The following NACC2 variants were observed in gnomAD, a reference collection of about 807,000 sequenced individuals.
The protein encoded by NACC2 is NACC family member 2, also known as nucleus accumbens-associated protein 2.
NACC2 carries 8 observed loss-of-function variants against 25.1 expected under a neutral mutation model. The ratio of observed to expected loss-of-function variants is 0.32; its 90% CI spans 0.19 to 0.57. The LOEUF is 0.57. NACC2 is among the 20% of genes least tolerant of loss of function. The pLI is 0.89. For synonymous variants in NACC2, 435 were observed against 294.7 expected, an observed-to-expected ratio of 1.48 and a Z score of -4.88; for missense variants, 644 against 650.2, an observed-to-expected ratio of 0.99 and a Z score of 0.10.
chr9:136,018,857 G>A lies in NACC2; in HGVS notation c.887-2428C>T, dbSNP rs896547531. ...GATTACACACGCGGAGAAGCCGCAC[G>A]GTGCGTGGCATTTACATAAAGAGTT... is the stretch of plus-strand genomic sequence containing the variant. On this transcript the variant is annotated intron_variant, in intron 2 of 5. Transcript: ENST00000277554. The surrounding 1 kb of genome is among the most constrained non-coding windows in gnomAD (Gnocchi z 4.4). Among the ~76,000 whole-genome samples, 15 of 152,294 alleles carry A rather than the reference G, an allele frequency of 9.8e-5. No homozygotes were observed. The highest frequency in any genetic ancestry group is 1.8e-4 in the Non-Finnish European group (12 of 68,026).
At chr9:136,038,563 T>G (rs1389637770) in intron 2 of NACC2, among the ~76,000 whole-genome samples, 2 of 152,170 alleles carry the variant, frequency 1.3e-5, no homozygotes, top group African/African-American at 4.8e-5. Flanking sequence ...AATATAAATT[T>G]TTTTAAACTT....
chr9:136,013,652 C>T lies in NACC2; in HGVS notation c.1157+212G>A, dbSNP rs561295921. Reference sequence around the variant, plus strand: ...TTTTCTGTTGTGGGGGTTGCATCCACAAGCCCGTTTGAGAAAGGCCACGAA... The same window carrying T: ...TTTTCTGTTGTGGGGGTTGCATCCATAAGCCCGTTTGAGAAAGGCCACGAA... On this transcript the variant is annotated intron_variant, in intron 4 of 5. Coordinates refer to ENST00000277554, the MANE Select transcript of NACC2 (RefSeq NM_144653.5). This position sits in a 1 kb window ranked among gnomAD's most constrained non-coding sequence, Gnocchi z 6.6. Among the ~76,000 whole-genome samples, 1 of 152,304 alleles carries T rather than the reference C, an allele frequency of 6.6e-6. No homozygotes were observed. The highest frequency in any genetic ancestry group is 6.5e-5 in the Admixed American group (1 of 15,304).
intron 1 of NACC2, among the ~76,000 whole-genome samples, chr9:136,069,696 A>G (rs1015231255): frequency 6.6e-6 from 1 of 151,966 alleles, no homozygotes; most frequent in Non-Finnish European, 1.5e-5. Context: ...CAAATAAAGC[A>G]TATTTCAGAG....
chr9:136,069,795 A>G (rs1319844886), intron 1 of NACC2, among the ~76,000 whole-genome samples: 1 of 151,888 alleles, frequency 6.6e-6, no homozygotes, highest in Non-Finnish European at 1.5e-5. Flanking sequence ...ATGTCCATGT[A>G]CCAGACAACG....
Position 136,009,753 on chromosome 9 carries a change from G to A in NACC2, c.*1763C>T, listed in dbSNP as rs1037533600. ...GGGTGCAGCACATGGTCCTCCCCTA[G>A]CGGAGGCGGCCTCCGCTTGATGGGT... On this transcript the variant is annotated 3_prime_UTR_variant, in exon 6 of 6. Transcript: ENST00000277554. 2 of 152,408 alleles carry A rather than the reference G, an allele frequency of 1.3e-5. No homozygotes were observed. Among genetic ancestry groups the A allele is most frequent in the Non-Finnish European group, 2.9e-5 (2 of 68,194 alleles). 9.4% of individuals were successfully genotyped at this position (152,408 alleles called of 1,614,324 possible).
Position 136,011,580 on chromosome 9 carries a change from C to T in NACC2, c.1700G>A (p.Ser567Asn), listed in dbSNP as rs1840107014. 7.1e-7 allele frequency: 1 copy of T among 1,406,490 alleles called. No homozygotes were observed. The highest frequency in any genetic ancestry group is 9.2e-7 in the Non-Finnish European group (1 of 1,086,236). The allele number at this position is 1,406,490 out of a possible 1,614,324, so 87.1% of individuals were successfully genotyped here. A position where few individuals can be genotyped will look rare whatever the true frequency, so the allele number is the denominator to read the frequency against. The change falls in exon 6 of 6, where the codon AGC becomes AAC. Residue 567 changes from serine to asparagine, a missense_variant. By Grantham distance (46) the Ser-to-Asn change is conservative. Transcript: ENST00000277554. ...CGCGGCCGCCGGCGTCTGGGGCCTG[C>T]TGGGGCCGCCCCCGCCCTGCTCAAA... ...QPFEQGGGGP[S>N]RPQTPAAAAR...
chr9:136,078,869 G>T (rs74893449), intron 1 of NACC2, among the ~76,000 whole-genome samples: 1 of 152,200 alleles, frequency 6.6e-6, no homozygotes, highest in Non-Finnish European at 1.5e-5. Context: ...TTGTCCAGGC[G>T]ACCTTGTGGG....
intron 1 of NACC2, among the ~76,000 whole-genome samples, chr9:136,089,985 CAA>C (rs11442793): frequency 7.2e-6 from 1 of 139,362 alleles, no homozygotes. Flanking sequence ...GATTTATATC[CAA>C]AAAAAAAAAG....
Position 136,049,805 on chromosome 9 carries a change from C to T in NACC2, c.717G>A (p.Met239Ile), listed in dbSNP as rs1184516899. The change falls in exon 2 of 6, where the codon ATG (methionine) becomes ATA (isoleucine). Residue 239 changes from methionine (M) to isoleucine (I), a missense_variant. Coordinates refer to ENST00000277554, the MANE Select transcript of NACC2 (RefSeq NM_144653.5). Reference protein sequence around the residue: ...LATLIPGIQQMPYPQGERTSP... With the variant: ...LATLIPGIQQIPYPQGERTSP... ...TGGTCCGCTCCCCCTGGGGGTAGGGCATCTGCTGGATGCCGGGGATGAGGG... is the reference window on the plus strand; with the variant it reads ...TGGTCCGCTCCCCCTGGGGGTAGGGTATCTGCTGGATGCCGGGGATGAGGG... 5 of 753,492 alleles carry T rather than the reference C, an allele frequency of 6.6e-6. No homozygotes were observed. The highest frequency in any genetic ancestry group is 1.2e-5 in the Non-Finnish European group (5 of 404,638). 46.7% of individuals were successfully genotyped at this position (753,492 alleles called of 1,614,324 possible). A position where few individuals can be genotyped will look rare whatever the true frequency, so the allele number is the denominator to read the frequency against.
chr9:136,027,455 AACATAT>A (rs1303765847), intron 2 of NACC2, among the ~76,000 whole-genome samples: 3 of 152,196 alleles, frequency 2.0e-5, no homozygotes. Flanking sequence ...ATGTATATGG[AACATAT>A]ACAGGGGCTC....
intron 2 of NACC2, among the ~76,000 whole-genome samples, chr9:136,049,083 T>C (rs1840773810): frequency 6.6e-6 from 1 of 152,160 alleles, no homozygotes; most frequent in Non-Finnish European, 1.5e-5. Flanking sequence ...TAGGGCAACC[T>C]GGGTTTGTGG....
intron 1 of NACC2, among the ~76,000 whole-genome samples, chr9:136,091,934 C>A (rs1412423474): frequency 6.6e-6 from 1 of 152,236 alleles, no homozygotes; most frequent in East Asian, 1.9e-4. Context: ...AGCCCCTGGC[C>A]TGGGTAACCT....
At chr9:136,027,091 G>A (rs915012362) in intron 2 of NACC2, among the ~76,000 whole-genome samples, 4 of 152,146 alleles carry the variant, frequency 2.6e-5, no homozygotes, top group African/African-American at 9.7e-5. Context: ...CCGGTGTGGT[G>A]GCACATGCCT....
intron 1 of NACC2, among the ~76,000 whole-genome samples, chr9:136,093,458 CAGG>C (rs1423269357): frequency 1.3e-5 from 2 of 152,200 alleles, no homozygotes; most frequent in African/African-American, 2.4e-5. Flanking sequence ...CTGCTCCCAG[CAGG>C]AGATCTCCCG....
At chr9:136,059,131 C>T (rs1466874239) in intron 1 of NACC2, among the ~76,000 whole-genome samples, 1 of 152,234 alleles carries the variant, frequency 6.6e-6, no homozygotes, top group African/African-American at 2.4e-5. Context: ...GAAACAATCA[C>T]AGGGTCCCTG....
intron 1 of NACC2, among the ~76,000 whole-genome samples, chr9:136,059,201 C>T (rs1426789882): frequency 2.0e-5 from 3 of 152,232 alleles, no homozygotes; most frequent in African/African-American, 7.2e-5. Flanking sequence ...AGCCCAGGAG[C>T]AGGGCCATTC....
At chr9:136,087,476 G>A (rs72773731) in intron 1 of NACC2, among the ~76,000 whole-genome samples, 4,906 of 152,316 alleles carry the variant, frequency 0.032, 120 homozygotes, top group Admixed American at 0.055. Context: ...GGCATTCGCA[G>A]GGGTCGGGCC....
chr9:136,066,838 G>A (rs559826644), intron 1 of NACC2, among the ~76,000 whole-genome samples: 7 of 151,884 alleles, frequency 4.6e-5, no homozygotes, highest in South Asian at 4.1e-4. Context: ...TGAGCGCTAC[G>A]CTAAGCGAAA....
intron 1 of NACC2, among the ~76,000 whole-genome samples, chr9:136,077,048 C>T (rs4841912): frequency 0.96 from 142,393 of 148,292 alleles, 68,569 homozygotes; most frequent in Non-Finnish European, 1. Context: ...GGTGTGGTGG[C>T]GGGCGCCTGT....
Sources: gnomAD v4.1 joint callset for allele counts (sites outside exome capture counted in the v4.1 genomes callset) on GRCh38, gnomAD v4.1.1 for gene constraint, Gnocchi (gnomAD v3.1) non-coding constraint, MANE v1.5 for transcripts, NCBI Gene and HGNC (gene_info 2026-07-23, HGNC 2026-07-21) for gene names.